The following NCAM2 variants were observed in gnomAD, a reference collection of about 807,000 sequenced individuals.
NCAM2 encodes the protein N-CAM-2.
NCAM2 carries 30 observed loss-of-function variants against 98.1 expected under a neutral mutation model. The ratio of observed to expected loss-of-function variants is 0.31; its 90% CI spans 0.23 to 0.41. The LOEUF (loss-of-function observed/expected upper bound fraction) is 0.41, where lower values mean the gene tolerates loss of function less well. NCAM2 is among the 10% of genes least tolerant of loss of function. The probability of loss-of-function intolerance (pLI) is 1.00; values close to 1 mark genes in which losing one functional copy is unlikely to be tolerated. For missense variants in NCAM2, 867 were observed against 1,005.8 expected (o/e 0.86, Z 1.87); for synonymous variants, 368 against 342.4 (o/e 1.07, Z -0.83).
chr21:21,295,829 GTCTGTTTC>G (rs1421489750), intron 5 of NCAM2, among the ~76,000 whole-genome samples: 6 of 149,244 alleles, frequency 4.0e-5, no homozygotes, highest in Admixed American at 1.3e-4. Flanking sequence ...TAGTGCTTTT[GTCTGTTTC>G]TCTCTCTCTC....
intron 1 of NCAM2, among the ~76,000 whole-genome samples, chr21:21,190,700 G>A (rs537574126): frequency 6.6e-6 from 1 of 152,230 alleles, no homozygotes; most frequent in African/African-American, 2.4e-5. Flanking sequence ...AAGCCTGCCT[G>A]GGATCAAGTT....
chr21:21,193,219 A>G (rs1383341471), intron 1 of NCAM2, among the ~76,000 whole-genome samples: 1 of 152,180 alleles, frequency 6.6e-6, no homozygotes, highest in Non-Finnish European at 1.5e-5. Context: ...GATTACAGTT[A>G]AATGAATGAA....
intron 1 of NCAM2, among the ~76,000 whole-genome samples, chr21:21,172,963 T>C (rs1319525934): frequency 6.6e-6 from 1 of 152,140 alleles, no homozygotes; most frequent in Non-Finnish European, 1.5e-5. Flanking sequence ...CTTTAAAAAT[T>C]TACCCTGTAA....
chr21:21,279,201 T>A (rs964126051), intron 1 of NCAM2, among the ~76,000 whole-genome samples: 4 of 152,228 alleles, frequency 2.6e-5, no homozygotes, highest in Non-Finnish European at 5.9e-5. Flanking sequence ...ACATGGGATA[T>A]GGCAAAACTT....
chr21:21,453,828 G>T (rs1981710805), intron 12 of NCAM2, among the ~76,000 whole-genome samples: 1 of 151,882 alleles, frequency 6.6e-6, no homozygotes, highest in Non-Finnish European at 1.5e-5. Flanking sequence ...GTTTCCCCCT[G>T]TATTATTCTT....
chr21:21,486,818 T>G (rs953166238), intron 15 of NCAM2, among the ~76,000 whole-genome samples: 3 of 152,174 alleles, frequency 2.0e-5, no homozygotes, highest in Admixed American at 6.5e-5. Context: ...ATACATCAAT[T>G]TGGCATTTTG....
intron 15 of NCAM2, among the ~76,000 whole-genome samples, chr21:21,497,460 C>G (rs1987322012): frequency 6.6e-6 from 1 of 152,082 alleles, no homozygotes; most frequent in Admixed American, 6.6e-5. Flanking sequence ...GCTACTTTTT[C>G]TTGCCCTGAA....
intron 2 of NCAM2, among the ~76,000 whole-genome samples, chr21:21,281,373 G>A (rs188897294): frequency 1.3e-5 from 2 of 152,150 alleles, no homozygotes; most frequent in Admixed American, 6.6e-5. Flanking sequence ...AGTTATACTT[G>A]AATGAAAATA....
rs185022900 is a variant in NCAM2, at chr21:21,276,260, C to A, written c.56-4318C>A. 3.7e-4 allele frequency among the ~76,000 whole-genome samples: 57 copies of A among 152,084 alleles called. No homozygotes were observed. In the East Asian group the frequency reaches 8.3e-3, roughly 22 times the overall value. ...AACCCCTTGATATTAGAAAGTATTT[C>A]TTGCTATTTTTGAGTATGATCATAT... On this transcript the variant is annotated intron_variant, in intron 1 of 17. Transcript: ENST00000400546.
chr21:21,037,120 TCC>T (rs1159050940), intron 1 of NCAM2, among the ~76,000 whole-genome samples: 1 of 152,166 alleles, frequency 6.6e-6, no homozygotes, highest in African/African-American at 2.4e-5. Flanking sequence ...AGCCTGGACT[TCC>T]CGGGCTCAAT....
intron 14 of NCAM2, among the ~76,000 whole-genome samples, chr21:21,476,878 T>C (rs917166106): frequency 6.6e-6 from 1 of 152,006 alleles, no homozygotes; most frequent in Admixed American, 6.6e-5. Flanking sequence ...CCAAAAAACT[T>C]TAACAATAGT....
At chr21:21,032,864 TACATACTTTAGCA>T (rs1428586958) in intron 1 of NCAM2, among the ~76,000 whole-genome samples, 1 of 152,166 alleles carries the variant, frequency 6.6e-6, no homozygotes, top group Non-Finnish European at 1.5e-5. Context: ...AAACTTTGTC[TACATACTTTAGCA>T]AAATACTCTG....
chr21:21,194,652 T>C (rs2068941969), intron 1 of NCAM2, among the ~76,000 whole-genome samples: 1 of 152,148 alleles, frequency 6.6e-6, no homozygotes, highest in Admixed American at 6.6e-5. Flanking sequence ...AAAATTAAAT[T>C]GAGAGACACA....
chr21:21,148,820 A>T (rs2067364539), intron 1 of NCAM2, among the ~76,000 whole-genome samples: 1 of 152,206 alleles, frequency 6.6e-6, no homozygotes, highest in Non-Finnish European at 1.5e-5. Flanking sequence ...AAATAATTAT[A>T]ATCTGGGAAT....
Position 21,305,472 on chromosome 21 carries a change from C to G in NCAM2, c.619+13231C>G, listed in dbSNP as rs1031179816. ...AATAGAAATGATACAATTGAACACA[C>G]TTGGCCTTGTCCATAAACTTTGGGA... On this transcript the variant is annotated intron_variant, in intron 5 of 17. Coordinates refer to ENST00000400546, the MANE Select transcript of NCAM2 (RefSeq NM_004540.5). 2.0e-5 allele frequency among the ~76,000 whole-genome samples: 3 copies of G among 152,252 alleles called. No homozygotes were observed. The East Asian group carries it at 5.8e-4, about 29-fold the overall frequency.
intron 16 of NCAM2, among the ~76,000 whole-genome samples, chr21:21,530,325 A>T (rs372225974): frequency 4.1e-5 from 1 of 24,210 alleles, no homozygotes; most frequent in African/African-American, 1.8e-4. Context: ...TAATTAAATT[A>T]AATTAAATTA....
Position 21,542,629 on chromosome 21 carries a change from A to C in NCAM2, c.*4672A>C, listed in dbSNP as rs888964607. On this transcript the variant is annotated 3_prime_UTR_variant, in exon 18 of 18. Transcript: ENST00000400546. ...TCACTGTTGGAGAATTTCAAATCAC[A>C]ACCCGACATAGGAGAGTAGAGAAAC... 5.9e-5 allele frequency: 9 copies of C among 151,830 alleles called. No individual in the cohort carries two copies. Among genetic ancestry groups the C allele is most frequent in the African/African-American group, 1.7e-4 (7 of 41,408 alleles). The allele number at this position is 151,830 out of a possible 1,614,324, so 9.4% of individuals were successfully genotyped here.
intron 8 of NCAM2, among the ~76,000 whole-genome samples, chr21:21,347,487 A>G (rs1387618622): frequency 6.6e-6 from 1 of 151,916 alleles, no homozygotes. Context: ...GACCAACAAC[A>G]AGTAATGAGG....
At chr21:21,201,095 C>T (rs1489377404) in intron 1 of NCAM2, among the ~76,000 whole-genome samples, 3 of 151,986 alleles carry the variant, frequency 2.0e-5, no homozygotes, top group South Asian at 2.1e-4. Context: ...TTCCTAATAC[C>T]GTGTGTGCGG....
Sources: allele counts gnomAD v4.1 joint callset (sites outside exome capture counted in the v4.1 genomes callset), GRCh38; gene constraint gnomAD v4.1.1; transcripts MANE v1.5; gene names NCBI Gene and HGNC (gene_info 2026-07-23, HGNC 2026-07-21).